Variants in PIK3CA observed in about 807,000 individuals in gnomAD.
PIK3CA encodes phosphatidylinositol-4,5-bisphosphate 3-kinase catalytic subunit alpha, also known as phosphatidylinositol 4,5-bisphosphate 3-kinase catalytic subunit alpha isoform.
In PIK3CA, 27 loss-of-function variants were observed where a neutral mutation model predicts 138.2. The ratio of observed to expected loss-of-function variants is 0.20; its 90% CI spans 0.14 to 0.27. PIK3CA has a LOEUF of 0.27. PIK3CA is among the 10% of genes least tolerant of loss of function. The probability of loss-of-function intolerance (pLI) is 1.00; values close to 1 mark genes in which losing one functional copy is unlikely to be tolerated. For missense variants in PIK3CA, 544 were observed against 1,277.4 expected, an observed-to-expected ratio of 0.43 and a Z score of 8.75; for synonymous variants, 358 against 413.2, an observed-to-expected ratio of 0.87 and a Z score of 1.62.
At chr3:179,214,818 T>G (rs1724800309) in intron 9 of PIK3CA, among the ~76,000 whole-genome samples, 1 of 152,310 alleles carries the variant, frequency 6.6e-6, no homozygotes, top group South Asian at 2.1e-4. Context: ...CTTCACCATG[T>G]TATCCCAGGT....
Position 179,210,491 on chromosome 3 carries a change from A to G in PIK3CA, c.1465A>G (p.Met489Val), listed in dbSNP as rs1187304552. The change falls in exon 9 of 21, where the codon ATG becomes GTG. Residue 489 changes from methionine (M) to valine (V), a missense_variant. By Grantham distance (21) the Met-to-Val change is conservative (BLOSUM62 1). Around this residue, in one of 14 missense-constraint regions of PIK3CA, gnomAD observed 52 missense variants for 83.4 expected, o/e 0.62. Transcript: ENST00000263967. ...WFSSVVKFPD[M>V]SVIEEHANWS... Reference sequence around the variant, plus strand: ...CAGCAGTGTGGTAAAGTTCCCAGATATGTCAGTGATTGAAGAGCATGCCAA... The same window carrying G: ...CAGCAGTGTGGTAAAGTTCCCAGATGTGTCAGTGATTGAAGAGCATGCCAA... 1.2e-6 allele frequency: 2 copies of G among 1,613,934 alleles called. No homozygotes were observed. Among genetic ancestry groups the G allele is most frequent in the Non-Finnish European group, 1.7e-6 (2 of 1,179,934 alleles).
intron 1 of PIK3CA, among the ~76,000 whole-genome samples, chr3:179,198,179 A>C (rs917573505): frequency 6.6e-6 from 1 of 152,236 alleles, no homozygotes; most frequent in Non-Finnish European, 1.5e-5. Flanking sequence ...ATACAAAAAG[A>C]AAAAGGAAAA....
intron 1 of PIK3CA, among the ~76,000 whole-genome samples, chr3:179,177,705 A>G (rs1723733795): frequency 6.6e-6 from 1 of 152,350 alleles, no homozygotes; most frequent in African/African-American, 2.4e-5. Flanking sequence ...TCACTTATCT[A>G]GAAATAAACT....
intron 1 of PIK3CA, among the ~76,000 whole-genome samples, chr3:179,195,270 AAC>A (rs1375758203): frequency 6.7e-6 from 1 of 150,374 alleles, no homozygotes; most frequent in African/African-American, 2.5e-5. Flanking sequence ...GAAAAAAAAA[AAC>A]AACAACAAAA....
intron 1 of PIK3CA, among the ~76,000 whole-genome samples, chr3:179,191,170 C>G (rs1724125503): frequency 6.6e-6 from 1 of 152,154 alleles, no homozygotes; most frequent in South Asian, 2.1e-4. Flanking sequence ...GACAGAGGTA[C>G]AGGGGAATGT....
intron 1 of PIK3CA, among the ~76,000 whole-genome samples, chr3:179,162,028 T>G (rs1399813880): frequency 6.6e-6 from 1 of 152,172 alleles, no homozygotes; most frequent in Non-Finnish European, 1.5e-5. Flanking sequence ...CGGTCAACGT[T>G]TTCCTTGAAA....
rs575982858 is a variant in PIK3CA, at chr3:179,213,687, C to T, written c.1539+3122C>T. Among the ~76,000 whole-genome samples the T allele has an allele frequency of 3.9e-5, 6 of 152,354 alleles. No individual in the cohort carries two copies. In the South Asian group the frequency reaches 1.2e-3, roughly 32 times the overall value. The stretch of plus-strand genomic sequence containing the variant: ...TGGAGTCAGTCCTCTCAAAACCTGA[C>T]GTTACAGTTAACCAGCTGCATTAGC... On this transcript the variant is annotated intron_variant, in intron 9 of 20. Coordinates refer to ENST00000263967, the MANE Select transcript of PIK3CA (RefSeq NM_006218.4).
chr3:179,210,515 A>C lies in PIK3CA; in HGVS notation c.1489A>C (p.Asn497His), dbSNP rs199563773. 6.8e-6 allele frequency: 11 copies of C among 1,613,954 alleles called. No individual in the cohort carries two copies. Among genetic ancestry groups the C allele is most frequent in the Non-Finnish European group, 9.3e-6 (11 of 1,179,946 alleles). ...TATGTCAGTGATTGAAGAGCATGCC[A>C]ATTGGTCTGTATCCCGAGAAGCAGG... ...PDMSVIEEHA[N>H]WSVSREAGFS... Residue 497 changes from asparagine to histidine, a missense_variant, in exon 9 of 21, where the codon AAT becomes CAT. By Grantham distance (68) the Asn-to-His change is moderately conservative. Around this residue, in one of 14 missense-constraint regions of PIK3CA, gnomAD observed 52 missense variants for 83.4 expected, o/e 0.62. Coordinates refer to ENST00000263967, the MANE Select transcript of PIK3CA (RefSeq NM_006218.4).
intron 1 of PIK3CA, among the ~76,000 whole-genome samples, chr3:179,150,903 C>T (rs1226855076): frequency 6.6e-6 from 1 of 152,204 alleles, no homozygotes; most frequent in African/African-American, 2.4e-5. Flanking sequence ...AGGGCACTTG[C>T]TCTGTTGATC....
rs2108401137 is a variant in PIK3CA at position 179,210,424 on chromosome 3, C to A, written c.1405-7C>A. ...GTATATATAATAGCTTTTCTTCCATCTCTTAGGAAACTCCATGCTTAGAGT... is the reference window on the plus strand; with the variant it reads ...GTATATATAATAGCTTTTCTTCCATATCTTAGGAAACTCCATGCTTAGAGT... On this transcript the variant is annotated splice_polypyrimidine_tract_variant and splice_region_variant and intron_variant, in intron 8 of 20. Coordinates refer to ENST00000263967, the MANE Select transcript of PIK3CA (RefSeq NM_006218.4). 1 of 1,610,518 alleles carries A rather than the reference C, an allele frequency of 6.2e-7. No homozygotes were observed. The highest frequency in any genetic ancestry group is 8.5e-7 in the Non-Finnish European group (1 of 1,178,978).
At chr3:179,172,256 G>A (rs887493272) in intron 1 of PIK3CA, among the ~76,000 whole-genome samples, 1 of 151,846 alleles carries the variant, frequency 6.6e-6, no homozygotes, top group African/African-American at 2.4e-5. Flanking sequence ...GATAAAGAAT[G>A]TCTGTGAAAA....
At chr3:179,228,447 C>T (rs901632499) in intron 17 of PIK3CA, among the ~76,000 whole-genome samples, 2 of 151,962 alleles carry the variant, frequency 1.3e-5, no homozygotes, top group African/African-American at 4.8e-5. Flanking sequence ...TTACATTTTG[C>T]AACTTAAGAA....
chr3:179,198,467 G>A (rs1307668634), intron 1 of PIK3CA, among the ~76,000 whole-genome samples: 1 of 152,164 alleles, frequency 6.6e-6, no homozygotes, highest in African/African-American at 2.4e-5. Flanking sequence ...CCTCATCTCT[G>A]TCTTGATGAA....
chr3:179,214,203 T>C (rs1467923062), intron 9 of PIK3CA, among the ~76,000 whole-genome samples: 2 of 152,204 alleles, frequency 1.3e-5, no homozygotes, highest in African/African-American at 2.4e-5. Context: ...ATTCACAACT[T>C]AGCTGTTTGG....
chr3:179,218,741 T>A (rs1272002446), intron 10 of PIK3CA, among the ~76,000 whole-genome samples: 1 of 152,050 alleles, frequency 6.6e-6, no homozygotes, highest in Non-Finnish European at 1.5e-5. Context: ...ATGAAGAAAT[T>A]ACCCTGCTGT....
intron 1 of PIK3CA, among the ~76,000 whole-genome samples, chr3:179,156,559 TA>T (rs1301353850): frequency 1.3e-5 from 2 of 152,344 alleles, no homozygotes; most frequent in Non-Finnish European, 2.9e-5. Flanking sequence ...TTTCTAGGTC[TA>T]TCCTCAGTTG....
chr3:179,196,256 A>T (rs188043734), intron 1 of PIK3CA, among the ~76,000 whole-genome samples: 1 of 152,196 alleles, frequency 6.6e-6, no homozygotes, highest in African/African-American at 2.4e-5. Context: ...GCAGAGAAAA[A>T]TCATAAACAC....
chr3:179,159,417 A>G (rs1430105318), intron 1 of PIK3CA, among the ~76,000 whole-genome samples: 1 of 152,196 alleles, frequency 6.6e-6, no homozygotes, highest in Non-Finnish European at 1.5e-5. Context: ...TGATTTTTCT[A>G]TATGTACACA....
At chr3:179,221,615 C>T (rs1576944043) in intron 14 of PIK3CA, among the ~76,000 whole-genome samples, 2 of 149,740 alleles carry the variant, frequency 1.3e-5, no homozygotes, top group Admixed American at 6.7e-5. Context: ...AAATGGATTT[C>T]GAGTCACTCA....
Sources: allele counts gnomAD v4.1 joint callset (sites outside exome capture counted in the v4.1 genomes callset), GRCh38; gene constraint gnomAD v4.1.1; regional missense constraint gnomAD v4.1.1; transcripts MANE v1.5; gene names NCBI Gene and HGNC (gene_info 2026-07-23, HGNC 2026-07-21).